Variants in NUP214 observed in about 807,000 individuals in gnomAD.
NUP214 encodes nuclear pore complex protein Nup214.
Under a neutral mutation model 196.2 loss-of-function variants are expected in NUP214, and 79 were observed. That is an observed-to-expected ratio of 0.40 (90% CI 0.34 to 0.49). The LOEUF is 0.49. NUP214 is among the 20% of genes least tolerant of loss of function. The probability of loss-of-function intolerance (pLI) is 0.58; values close to 1 mark genes in which losing one functional copy is unlikely to be tolerated. For synonymous variants in NUP214, 1,020 were observed against 990.5 expected, an observed-to-expected ratio of 1.03 and a Z score of -0.56; for missense variants, 2,468 against 2,539.0, an observed-to-expected ratio of 0.97 and a Z score of 0.60.
chr9:131,195,463 G>GT (rs1304740324), intron 28 of NUP214, 169 bp downstream of exon 28: 1 of 467,140 alleles, frequency 2.1e-6, no homozygotes, highest in African/African-American at 2.0e-5. Flanking sequence ...TTAAGAAACT[G>GT]ATGTGAAGGA....
chr9:131,227,680 T>C (rs980192220), intron 32 of NUP214, among the ~76,000 whole-genome samples: 2 of 152,224 alleles, frequency 1.3e-5, no homozygotes, highest in African/African-American at 4.8e-5. Context: ...TGGGTTTCTA[T>C]GAAGCTGGAT....
chr9:131,190,254 T>C, intron 26 of NUP214: 1 of 487,924 alleles, frequency 2.0e-6, no homozygotes, highest in Non-Finnish European at 3.6e-6. Flanking sequence ...GACTTGAGTA[T>C]TTTACAAAAA....
chr9:131,231,346 C>T (rs1419161777), intron 34 of NUP214, among the ~76,000 whole-genome samples: 2 of 152,146 alleles, frequency 1.3e-5, no homozygotes, highest in Non-Finnish European at 2.9e-5. Flanking sequence ...CGCCCGCCAC[C>T]AGGCCCGGCT....
At chr9:131,211,307 C>A (rs1354126987) in intron 30 of NUP214, among the ~76,000 whole-genome samples, 6 of 152,206 alleles carry the variant, frequency 3.9e-5, no homozygotes, top group Non-Finnish European at 7.3e-5. Context: ...ATAAATGTCT[C>A]TTTTTCTTTT....
At chr9:131,157,898 G>A (rs1832507623) in intron 17 of NUP214, among the ~76,000 whole-genome samples, 1 of 152,030 alleles carries the variant, frequency 6.6e-6, no homozygotes, top group Non-Finnish European at 1.5e-5. Context: ...CACCTGCTTT[G>A]GCCTCCCAAA....
intron 9 of NUP214, 28 bp from the exon 10 acceptor site, chr9:131,139,253 T>TTA: frequency 7.0e-7 from 1 of 1,418,666 alleles, no homozygotes; most frequent in Admixed American, 2.8e-5. Flanking sequence ...CTTCTTCTTC[T>TTA]TCTTTTTTTT....
intron 9 of NUP214, among the ~76,000 whole-genome samples, chr9:131,137,195 ACTTT>A (rs1831755836): frequency 6.6e-6 from 1 of 152,226 alleles, no homozygotes; most frequent in African/African-American, 2.4e-5. Flanking sequence ...TTTTATTTTT[ACTTT>A]CTATCAGAAT....
chr9:131,131,136 C>G (rs1357329798), intron 5 of NUP214, among the ~76,000 whole-genome samples: 1 of 152,176 alleles, frequency 6.6e-6, no homozygotes, highest in Non-Finnish European at 1.5e-5. Flanking sequence ...ACGCTATGCG[C>G]TGTTCCCCAC....
chr9:131,153,593 A>G (rs775745353), intron 17 of NUP214, among the ~76,000 whole-genome samples: 5 of 152,226 alleles, frequency 3.3e-5, no homozygotes, highest in Admixed American at 2.6e-4. Flanking sequence ...AGAGGAAAGC[A>G]TACAGCTTTA....
rs187610127 is a variant in NUP214, at chr9:131,184,674, A to G, written c.3420-2615A>G. On this transcript the variant is annotated intron_variant, in intron 24 of 35. Transcript: ENST00000359428. ...TTAATGTGGATTTTTTCAAAGCTCT[A>G]ATGCAATTCCGTCTTAATTATTTAA... 3.9e-4 allele frequency among the ~76,000 whole-genome samples: 59 copies of G among 152,246 alleles called. 1 individual carries two copies. In the East Asian group the frequency reaches 5.8e-3, roughly 15 times the overall value.
chr9:131,233,492 G>A lies in NUP214; in HGVS notation c.*5G>A, dbSNP rs768384486. 1.8e-5 allele frequency: 29 copies of A among 1,613,680 alleles called. No homozygotes were observed. The highest frequency in any genetic ancestry group is 1.6e-4 in the Middle Eastern group (1 of 6,084). ...TTTGGTGGCTGGCGAAGCTGAGGGC[G>A]TGTCAGCAGGCCTTTCGATCCCTGG... On this transcript the variant is annotated 3_prime_UTR_variant, in exon 36 of 36. Coordinates refer to ENST00000359428, the MANE Select transcript of NUP214 (RefSeq NM_005085.4).
chr9:131,167,721 C>T (rs1334459112), intron 21 of NUP214, among the ~76,000 whole-genome samples: 4 of 151,976 alleles, frequency 2.6e-5, no homozygotes, highest in Admixed American at 2.6e-4. Context: ...TGTGGAGTAC[C>T]GAATTAAATC....
At position 131,125,884 on chromosome 9, in the gene NUP214, C is replaced by A; in HGVS notation, c.45+135C>A. 1.0e-6 allele frequency: 1 copy of A among 968,416 alleles called. No individual in the cohort carries two copies. The highest frequency in any genetic ancestry group is 1.5e-6 in the Non-Finnish European group (1 of 655,382). 60.0% of individuals were successfully genotyped at this position (968,416 alleles called of 1,614,324 possible). A position where few individuals can be genotyped will look rare whatever the true frequency, so the allele number is the denominator to read the frequency against. On this transcript the variant is annotated intron_variant, in intron 1 of 35. Coordinates refer to ENST00000359428, the MANE Select transcript of NUP214 (RefSeq NM_005085.4). The surrounding 1 kb of genome is among the most constrained non-coding windows in gnomAD (Gnocchi z 4.1). ...TTACCGCGTTCACAGCTCTCACCAG[C>A]GCGTCTGCCGCGCCGCTGGCGTGAT...
intron 16 of NUP214, among the ~76,000 whole-genome samples, chr9:131,151,133 A>AT (rs1349651108): frequency 6.6e-6 from 1 of 152,240 alleles, no homozygotes; most frequent in African/African-American, 2.4e-5. Context: ...AAAAAAGGAT[A>AT]TTTTAGGACA....
At chr9:131,197,031 C>G (rs868547650) in intron 28 of NUP214, among the ~76,000 whole-genome samples, 185 bp from the exon 29 acceptor site, 1 of 152,154 alleles carries the variant, frequency 6.6e-6, no homozygotes, top group African/African-American at 2.4e-5. Context: ...TCAGACGACT[C>G]AGAGCTGATG....
At position 131,146,879 on chromosome 9, in the gene NUP214, G is replaced by A. The variant is rs1470219991; in HGVS notation, c.1945+575G>A. 2.7e-5 allele frequency among the ~76,000 whole-genome samples: 4 copies of A among 150,662 alleles called. No homozygotes were observed. The highest frequency in any genetic ancestry group is 2.1e-4 in the South Asian group (1 of 4,772). ...TAGGAGGCAGAGATTGCAGGGAGTC[G>A]AGATCACGCCACTGCTCTCCAGCCT... is the stretch of plus-strand genomic sequence containing the variant. On this transcript the variant is annotated intron_variant, in intron 13 of 35. Coordinates refer to ENST00000359428, the MANE Select transcript of NUP214 (RefSeq NM_005085.4). The surrounding 1 kb of genome is among the most constrained non-coding windows in gnomAD (Gnocchi z 4.6).
chr9:131,224,958 A>T (rs1212713157), intron 32 of NUP214, among the ~76,000 whole-genome samples: 1 of 152,210 alleles, frequency 6.6e-6, no homozygotes, highest in Non-Finnish European at 1.5e-5. Context: ...TTATCCTGAG[A>T]TTATATCCCC....
Position 131,193,646 on chromosome 9 carries a change from T to C in NUP214, c.3659+1354T>C, listed in dbSNP as rs906576664. Reference sequence around the variant, plus strand: ...TTCCTTTTCTTTTTTTTTTTTTTTTTTTTTTTTTTTTTTTTTGGATTTTCA... The same window carrying C: ...TTCCTTTTCTTTTTTTTTTTTTTTTCTTTTTTTTTTTTTTTTGGATTTTCA... On this transcript the variant is annotated intron_variant, in intron 27 of 35. Transcript: ENST00000359428. Among the ~76,000 whole-genome samples, 3 of 108,474 alleles carry C rather than the reference T, an allele frequency of 2.8e-5. 1 individual carries two copies. The highest frequency in any genetic ancestry group is 3.8e-5 in the Non-Finnish European group (2 of 52,462). 71.2% of individuals were successfully genotyped at this position (108,474 alleles called of 152,430 possible). A position where few individuals can be genotyped will look rare whatever the true frequency, so the allele number is the denominator to read the frequency against.
At chr9:131,203,153 G>A (rs1168531491) in intron 30 of NUP214, among the ~76,000 whole-genome samples, 1 of 151,816 alleles carries the variant, frequency 6.6e-6, no homozygotes, top group Non-Finnish European at 1.5e-5. Flanking sequence ...CGCTGTGTTA[G>A]CCAGGATGGT....
Sources: allele counts gnomAD v4.1 joint callset (sites outside exome capture counted in the v4.1 genomes callset), GRCh38; gene constraint gnomAD v4.1.1; non-coding constraint Gnocchi (gnomAD v3.1); transcripts MANE v1.5; gene names NCBI Gene and HGNC (gene_info 2026-07-23, HGNC 2026-07-21).